Variants in POU6F2 observed in about 807,000 individuals in gnomAD.
The protein encoded by POU6F2 is POU domain, class 6, transcription factor 2.
A neutral mutation model predicts 71.3 loss-of-function variants in POU6F2; 31 were observed. The ratio of observed to expected loss-of-function variants is 0.43; its 90% CI spans 0.33 to 0.59. The LOEUF is 0.59. POU6F2 is among the 20% of genes least tolerant of loss of function. The pLI, the probability that POU6F2 is intolerant of heterozygous loss-of-function variation, is 0.04. For synonymous variants in POU6F2, 347 were observed against 355.7 expected (o/e 0.98, Z 0.27); for missense variants, 783 against 856.8 (o/e 0.91, Z 1.07).
intron 2 of POU6F2, among the ~76,000 whole-genome samples, chr7:39,156,167 C>T (rs1236760205): frequency 6.6e-6 from 1 of 152,132 alleles, no homozygotes; most frequent in East Asian, 1.9e-4. Context: ...AGGAATGTAG[C>T]ACCAACAATG....
At chr7:39,120,078 T>A (rs752973428) in intron 2 of POU6F2, among the ~76,000 whole-genome samples, 3 of 152,328 alleles carry the variant, frequency 2.0e-5, no homozygotes, top group Non-Finnish European at 4.4e-5. Context: ...AAATATCACA[T>A]CACTTAATGA....
Position 39,146,948 on chromosome 7 carries a change from A to C in POU6F2, c.278-57287A>C, listed in dbSNP as rs148455240. On this transcript the variant is annotated intron_variant, in intron 2 of 9. Coordinates refer to ENST00000518318, the MANE Select transcript of POU6F2 (RefSeq NM_001370959.1). Reference sequence around the variant, plus strand: ...GCTTGAATATTTTTAAAAATATATAATATTATCTGGAAAAATTAGGTTATA... The same window carrying C: ...GCTTGAATATTTTTAAAAATATATACTATTATCTGGAAAAATTAGGTTATA... 4.9e-4 allele frequency among the ~76,000 whole-genome samples: 74 copies of C among 152,242 alleles called. 2 individuals carry two copies. In the East Asian group the frequency reaches 0.011, roughly 22 times the overall value.
chr7:39,387,284 ATCCCC>A (rs1786965708), intron 5 of POU6F2, among the ~76,000 whole-genome samples: 1 of 152,230 alleles, frequency 6.6e-6, no homozygotes, highest in African/African-American at 2.4e-5. Flanking sequence ...CCTGTTCCAA[ATCCCC>A]ACCTACCAGT....
At chr7:39,379,783 G>C (rs1165151050) in intron 5 of POU6F2, among the ~76,000 whole-genome samples, 1 of 152,120 alleles carries the variant, frequency 6.6e-6, no homozygotes, top group Non-Finnish European at 1.5e-5. Context: ...AACTCCCCTG[G>C]TTTTCAGAGA....
At chr7:39,327,093 C>A in intron 4 of POU6F2, among the ~76,000 whole-genome samples, 1 of 152,070 alleles carries the variant, frequency 6.6e-6, no homozygotes, top group Non-Finnish European at 1.5e-5. Context: ...TCCTGGCTAA[C>A]ACTGTGAAAC....
intron 4 of POU6F2, among the ~76,000 whole-genome samples, chr7:39,267,357 G>T (rs1204388662): frequency 1.3e-5 from 2 of 152,058 alleles, no homozygotes; most frequent in Non-Finnish European, 2.9e-5. Context: ...ATTTTCAATC[G>T]TTCAGGAATT....
intron 4 of POU6F2, among the ~76,000 whole-genome samples, chr7:39,259,873 G>A (rs548701363): frequency 6.6e-6 from 1 of 151,944 alleles, no homozygotes; most frequent in Admixed American, 6.5e-5. Flanking sequence ...CCAGGGTCTG[G>A]CTTCTAAGTG....
At chr7:39,374,923 T>A (rs533780438) in intron 5 of POU6F2, among the ~76,000 whole-genome samples, 16 of 152,326 alleles carry the variant, frequency 1.1e-4, no homozygotes, top group Non-Finnish European at 2.1e-4. Context: ...CTCTTATTAC[T>A]GCAGCAATGC....
chr7:39,155,259 G>A (rs1040622045), intron 2 of POU6F2, among the ~76,000 whole-genome samples: 10 of 150,524 alleles, frequency 6.6e-5, no homozygotes, highest in Admixed American at 4.0e-4. Flanking sequence ...TTTGGGGGGT[G>A]GGGGTTGGGG....
At chr7:39,127,278 A>G (rs1792158342) in intron 2 of POU6F2, among the ~76,000 whole-genome samples, 1 of 152,216 alleles carries the variant, frequency 6.6e-6, no homozygotes, top group South Asian at 2.1e-4. Context: ...TAAGACAGAC[A>G]TGGTGACTCA....
intron 1 of POU6F2, among the ~76,000 whole-genome samples, chr7:39,016,978 C>T (rs768457702): frequency 1.3e-5 from 2 of 152,120 alleles, no homozygotes; most frequent in Admixed American, 1.3e-4. Flanking sequence ...CTAGGGAACC[C>T]GTGAATGTCA....
chr7:39,232,297 T>G (rs1002568401), intron 4 of POU6F2, among the ~76,000 whole-genome samples: 1 of 151,806 alleles, frequency 6.6e-6, no homozygotes, highest in Non-Finnish European at 1.5e-5. Context: ...GACAAGTAAA[T>G]AGATAACAAA....
intron 6 of POU6F2, among the ~76,000 whole-genome samples, chr7:39,410,166 G>A (rs908473586): frequency 1.8e-4 from 28 of 152,142 alleles, no homozygotes; most frequent in Admixed American, 1.4e-3. Context: ...TGGACAACAC[G>A]GCGAATCTCT....
intron 1 of POU6F2, among the ~76,000 whole-genome samples, chr7:39,024,482 T>C (rs1313089658): frequency 3.9e-5 from 6 of 152,202 alleles, no homozygotes; most frequent in South Asian, 2.1e-4. Context: ...CTTTTCCTAA[T>C]TGAATACCCT....
chr7:39,310,020 CT>C (rs1051805670), intron 4 of POU6F2, among the ~76,000 whole-genome samples: 1 of 152,086 alleles, frequency 6.6e-6, no homozygotes, highest in African/African-American at 2.4e-5. Context: ...GAATTTAGCT[CT>C]TTTGGATGAT....
At chr7:39,086,089 A>T in intron 2 of POU6F2, 58 bp downstream of exon 2, 1 of 1,460,000 alleles carries the variant, frequency 6.8e-7, no homozygotes, top group Non-Finnish European at 9.2e-7. Context: ...AGAGCAATCC[A>T]ACCCCCCCAA....
chr7:38,981,522 AT>A (rs77554711), intron 1 of POU6F2, among the ~76,000 whole-genome samples: 12,321 of 152,228 alleles, frequency 0.081, 619 homozygotes, highest in East Asian at 0.12. Flanking sequence ...TTAGTTGTTA[AT>A]AAAAACAACA....
At chr7:39,006,929 G>C (rs1789090575) in intron 1 of POU6F2, 2 of 1,499,910 alleles carry the variant, frequency 1.3e-6, no homozygotes, top group East Asian at 2.3e-5. Flanking sequence ...TATAATCTGT[G>C]AGTTTATTGT....
chr7:39,163,605 C>T (rs1411143393), intron 2 of POU6F2, among the ~76,000 whole-genome samples: 1 of 152,162 alleles, frequency 6.6e-6, no homozygotes, highest in African/African-American at 2.4e-5. Context: ...ATAAATAAAC[C>T]TCTCTTGGTT....
Sources: allele counts gnomAD v4.1 joint callset (sites outside exome capture counted in the v4.1 genomes callset), GRCh38; gene constraint gnomAD v4.1.1; transcripts MANE v1.5; gene names NCBI Gene and HGNC (gene_info 2026-07-23, HGNC 2026-07-21).